The following RORB variants were observed in gnomAD, a reference collection of about 807,000 sequenced individuals.
RORB encodes nuclear receptor ROR-beta.
Under a neutral mutation model 59.1 loss-of-function variants are expected in RORB, and 6 were observed. The ratio of observed to expected loss-of-function variants is 0.10; its 90% CI spans 0.06 to 0.20. RORB has a LOEUF of 0.20. Among genes scored for constraint, RORB ranks in the 10% least tolerant of loss-of-function variants. The pLI, the probability that RORB is intolerant of heterozygous loss-of-function variation, is 1.00. For missense variants in RORB, 320 were observed against 560.5 expected (o/e 0.57, Z 4.33); for synonymous variants, 215 against 204.5 (o/e 1.05, Z -0.44).
chr9:74,690,120 G>A lies in RORB; in HGVS notation c.*4502G>A, dbSNP rs566941182. 2 of 152,284 alleles carry A rather than the reference G, an allele frequency of 1.3e-5. No homozygotes were observed. The highest frequency in any genetic ancestry group is 1.3e-4 in the Admixed American group (2 of 15,298). 9.4% of individuals were successfully genotyped at this position (152,284 alleles called of 1,614,324 possible). On this transcript the variant is annotated 3_prime_UTR_variant, in exon 10 of 10. Transcript: ENST00000376896. ...TGCACAAAGTCCCCTGCATAAAGAA[G>A]AGAGGAAAGCCTACCATCTGCTTTA...
At chr9:74,664,703 C>A (rs1242953228) in intron 6 of RORB, among the ~76,000 whole-genome samples, 1 of 152,102 alleles carries the variant, frequency 6.6e-6, no homozygotes, top group African/African-American at 2.4e-5. Context: ...ATATGTACAG[C>A]AAAGGAAATA....
chr9:74,640,210 T>G (rs1157605029), intron 3 of RORB, among the ~76,000 whole-genome samples: 2 of 152,138 alleles, frequency 1.3e-5, no homozygotes, highest in East Asian at 3.9e-4. Context: ...AAAGCCAGAA[T>G]GTAGGGGTTG....
intron 1 of RORB, among the ~76,000 whole-genome samples, chr9:74,550,617 G>A (rs1222736903): frequency 6.6e-5 from 10 of 152,180 alleles, no homozygotes; most frequent in South Asian, 4.1e-4. Flanking sequence ...CCACTTGACA[G>A]TACATTTGAC....
chr9:74,515,591 T>C (rs1158532540), intron 1 of RORB, among the ~76,000 whole-genome samples: 3 of 151,998 alleles, frequency 2.0e-5, no homozygotes, highest in Non-Finnish European at 4.4e-5. Context: ...AATAGCTGAG[T>C]CTTTCCTTTC....
At chr9:74,614,025 C>CATTTGTGCTATTGTGAATAAAGCTAT (rs1554670132) in intron 1 of RORB, among the ~76,000 whole-genome samples, 2 of 152,112 alleles carry the variant, frequency 1.3e-5, no homozygotes, top group Non-Finnish European at 2.9e-5. Flanking sequence ...GTGAATAAAG[C>CATTTGTGCTATTGTGAATAAAGCTAT]TGTGATGAAC....
At chr9:74,594,857 A>T (rs114384542) in intron 1 of RORB, among the ~76,000 whole-genome samples, 229 of 152,278 alleles carry the variant, frequency 1.5e-3, no homozygotes, top group African/African-American at 5.0e-3. Context: ...CCCAATTTTC[A>T]TCTATCCTGT....
At chr9:74,625,179 T>C (rs1823488815) in intron 1 of RORB, among the ~76,000 whole-genome samples, 2 of 152,210 alleles carry the variant, frequency 1.3e-5, no homozygotes, top group South Asian at 4.1e-4. Context: ...GCAGGTGATT[T>C]ATGTGGTAGA....
chr9:74,605,722 T>C (rs1391623322), intron 1 of RORB, among the ~76,000 whole-genome samples: 2 of 152,226 alleles, frequency 1.3e-5, no homozygotes, highest in Non-Finnish European at 2.9e-5. Context: ...ATCACTCACC[T>C]TTGTAAACAA....
At chr9:74,618,028 A>G (rs1823341158) in intron 1 of RORB, among the ~76,000 whole-genome samples, 1 of 152,120 alleles carries the variant, frequency 6.6e-6, no homozygotes, top group African/African-American at 2.4e-5. Context: ...TTATATAACA[A>G]CGTAATTTTC....
At chr9:74,629,279 C>G (rs1018582356) in intron 1 of RORB, among the ~76,000 whole-genome samples, 4 of 151,212 alleles carry the variant, frequency 2.6e-5, no homozygotes, top group African/African-American at 9.7e-5. Flanking sequence ...ACTCACCTTT[C>G]TAAGGTGAGT....
chr9:74,659,018 G>A lies in RORB; in HGVS notation c.638-1599G>A, dbSNP rs1408404421. Among the ~76,000 whole-genome samples, 6 of 152,244 alleles carry A rather than the reference G, an allele frequency of 3.9e-5. No individual in the cohort carries two copies. The East Asian group carries it at 1.2e-3, about 29-fold the overall frequency. On this transcript the variant is annotated intron_variant, in intron 4 of 9. Coordinates refer to ENST00000376896, the MANE Select transcript of RORB (RefSeq NM_006914.4). ...TTGAAATATCTTCTTTCTGCAGGATGGATTGCAGAATTAAGTATCTCCACT... is the reference window on the plus strand; with the variant it reads ...TTGAAATATCTTCTTTCTGCAGGATAGATTGCAGAATTAAGTATCTCCACT...
At chr9:74,556,686 A>C (rs1040440870) in intron 1 of RORB, among the ~76,000 whole-genome samples, 1 of 152,184 alleles carries the variant, frequency 6.6e-6, no homozygotes, top group Non-Finnish European at 1.5e-5. Flanking sequence ...CAACAAAAAA[A>C]ATTCACCAGG....
intron 4 of RORB, among the ~76,000 whole-genome samples, chr9:74,648,709 C>T (rs1416349703): frequency 6.6e-6 from 1 of 152,152 alleles, no homozygotes; most frequent in Non-Finnish European, 1.5e-5. Flanking sequence ...TCCGTCCATC[C>T]TCCTGAAAAC....
intron 1 of RORB, among the ~76,000 whole-genome samples, chr9:74,600,177 T>C (rs1486933064): frequency 1.3e-5 from 2 of 152,160 alleles, no homozygotes; most frequent in Non-Finnish European, 2.9e-5. Flanking sequence ...AGCAATAAGC[T>C]CCAGACTTGT....
chr9:74,540,834 G>T (rs1442052553), intron 1 of RORB, among the ~76,000 whole-genome samples: 1 of 152,138 alleles, frequency 6.6e-6, no homozygotes, highest in African/African-American at 2.4e-5. Context: ...ATTTTCAAAA[G>T]TGAGATTGCA....
chr9:74,531,350 G>A (rs2118097805), intron 1 of RORB, among the ~76,000 whole-genome samples: 1 of 152,046 alleles, frequency 6.6e-6, no homozygotes, highest in African/African-American at 2.4e-5. Context: ...TTCAGACTAG[G>A]TCCATGTGCA....
rs571017874 is a variant in RORB at position 74,688,544 on chromosome 9, G to A, written c.*2926G>A. The A allele has an allele frequency of 2.6e-5, 4 of 151,540 alleles. No homozygotes were observed. The East Asian group carries it at 7.8e-4, about 30-fold the overall frequency. The allele number at this position is 151,540 out of a possible 1,614,324, so 9.4% of individuals were successfully genotyped here. On this transcript the variant is annotated 3_prime_UTR_variant, in exon 10 of 10. Coordinates refer to ENST00000376896, the MANE Select transcript of RORB (RefSeq NM_006914.4). ...GCTTCATAAATGACAATCACTGCTT[G>A]ATGCAGATGTTGCACTGTATCCACT...
At chr9:74,622,863 T>C (rs1346198205) in intron 1 of RORB, among the ~76,000 whole-genome samples, 1 of 152,000 alleles carries the variant, frequency 6.6e-6, no homozygotes, top group Admixed American at 6.5e-5. Context: ...AGGAGCAAAA[T>C]GCTGCATGTC....
Position 74,662,442 on chromosome 9 carries a change from C to A in RORB, c.760-32C>A, listed in dbSNP as rs1824203321. On this transcript the variant is annotated intron_variant, in intron 5 of 9. Coordinates refer to ENST00000376896, the MANE Select transcript of RORB (RefSeq NM_006914.4). ...TGTTGACTCTCCGTAAGTCGTTTGC[C>A]CTATTTACATTCTGTGTCTTCTCTC... 6 of 1,611,572 alleles carry A rather than the reference C, an allele frequency of 3.7e-6. No homozygotes were observed. The East Asian group carries it at 8.9e-5, about 24-fold the overall frequency.
Sources: allele counts gnomAD v4.1 joint callset (sites outside exome capture counted in the v4.1 genomes callset), GRCh38; gene constraint gnomAD v4.1.1; transcripts MANE v1.5; gene names NCBI Gene and HGNC (gene_info 2026-07-23, HGNC 2026-07-21).